The following EFNA5 variants were observed in gnomAD, a reference collection of about 807,000 sequenced individuals.
EFNA5 encodes ephrin-A5.
EFNA5 carries 5 observed loss-of-function variants against 22.9 expected under a neutral mutation model. That is an observed-to-expected ratio of 0.22 (90% CI 0.11 to 0.46). EFNA5 has a LOEUF of 0.46. Among genes scored for constraint, EFNA5 ranks in the 20% least tolerant of loss-of-function variants. The pLI is 0.99. For missense variants in EFNA5, 237 were observed against 293.3 expected (o/e 0.81, Z 1.40); for synonymous variants, 113 against 112.2 (o/e 1.01, Z -0.04).
At chr5:107,460,582 T>A (rs1386288645) in intron 1 of EFNA5, among the ~76,000 whole-genome samples, 2 of 152,178 alleles carry the variant, frequency 1.3e-5, no homozygotes, top group Non-Finnish European at 2.9e-5. Flanking sequence ...TTCACTTTTT[T>A]GGTAAAAAAT....
intron 2 of EFNA5, among the ~76,000 whole-genome samples, chr5:107,410,564 G>C (rs1421349953): frequency 1.3e-5 from 2 of 152,014 alleles, no homozygotes; most frequent in Admixed American, 1.3e-4. Context: ...ATAAAAAAAG[G>C]GTTCCCAGGT....
At chr5:107,483,777 T>C (rs1291049525) in intron 1 of EFNA5, among the ~76,000 whole-genome samples, 1 of 152,152 alleles carries the variant, frequency 6.6e-6, no homozygotes, top group Non-Finnish European at 1.5e-5. Context: ...TGGAATGCTA[T>C]GAGATACATT....
At chr5:107,443,285 A>C (rs958740109) in intron 1 of EFNA5, among the ~76,000 whole-genome samples, 6 of 152,246 alleles carry the variant, frequency 3.9e-5, no homozygotes, top group African/African-American at 1.2e-4. Flanking sequence ...TTTTCCATAG[A>C]TAGAACCAGT....
intron 1 of EFNA5, among the ~76,000 whole-genome samples, chr5:107,657,726 ATC>A (rs1257687294): frequency 6.6e-6 from 1 of 152,146 alleles, no homozygotes; most frequent in Non-Finnish European, 1.5e-5. Context: ...AAACCGTTTT[ATC>A]TCTTTTAAAA....
chr5:107,440,015 C>G (rs1265210207), intron 1 of EFNA5, among the ~76,000 whole-genome samples: 1 of 152,162 alleles, frequency 6.6e-6, no homozygotes, highest in Non-Finnish European at 1.5e-5. Context: ...AAAGGTACTT[C>G]AGTTCATCAC....
chr5:107,435,813 A>C (rs152607), intron 1 of EFNA5, among the ~76,000 whole-genome samples: 45,780 of 152,084 alleles, frequency 0.3, 7,566 homozygotes, highest in East Asian at 0.54. Context: ...CTGTGTTTAT[A>C]CATTAATGAA....
At chr5:107,435,498 GGTAATCAACCTCAATGTTCAGCTCT>G (rs1749089016) in intron 1 of EFNA5, among the ~76,000 whole-genome samples, 1 of 151,750 alleles carries the variant, frequency 6.6e-6, no homozygotes, top group Non-Finnish European at 1.5e-5. Flanking sequence ...CAGATGTATT[GGTAATCAACCTCAATGTTCAGCTCT>G]GAGAGAAGAG....
chr5:107,547,097 T>C (rs374979525), intron 1 of EFNA5, among the ~76,000 whole-genome samples: 1 of 152,234 alleles, frequency 6.6e-6, no homozygotes, highest in East Asian at 1.9e-4. Context: ...TCAATCAAGC[T>C]GCAAAAGAAG....
At chr5:107,592,737 T>G (rs1205513629) in intron 1 of EFNA5, among the ~76,000 whole-genome samples, 4 of 152,110 alleles carry the variant, frequency 2.6e-5, no homozygotes, top group Admixed American at 2.6e-4. Context: ...TCGGCATCTG[T>G]GAGCAGTGCT....
chr5:107,589,053 T>C (rs957408799), intron 1 of EFNA5, among the ~76,000 whole-genome samples: 5 of 152,152 alleles, frequency 3.3e-5, no homozygotes, highest in Non-Finnish European at 7.3e-5. Context: ...CCCTACCTGC[T>C]ATGTGGCAGT....
At chr5:107,443,317 A>T (rs1749307308) in intron 1 of EFNA5, among the ~76,000 whole-genome samples, 1 of 152,236 alleles carries the variant, frequency 6.6e-6, no homozygotes, top group Admixed American at 6.5e-5. Flanking sequence ...TGGAAAGAAC[A>T]GGCAAAAGAG....
At chr5:107,421,946 C>T (rs1748679567) in intron 2 of EFNA5, among the ~76,000 whole-genome samples, 4 of 151,968 alleles carry the variant, frequency 2.6e-5, no homozygotes, top group Admixed American at 2.6e-4. Context: ...CATGAGCTAC[C>T]ACGCCCGTCT....
chr5:107,543,722 C>G (rs76409221), intron 1 of EFNA5, among the ~76,000 whole-genome samples: 1 of 151,888 alleles, frequency 6.6e-6, no homozygotes, highest in Non-Finnish European at 1.5e-5. Context: ...AAAAAAAACC[C>G]TTTTTTCATA....
chr5:107,381,119 C>T lies in EFNA5; in HGVS notation c.*136G>A. The T allele has an allele frequency of 7.7e-7, 1 of 1,299,940 alleles. No individual in the cohort carries two copies. The highest frequency in any genetic ancestry group is 1.0e-6 in the Non-Finnish European group (1 of 966,046). The allele number at this position is 1,299,940 out of a possible 1,614,324, so 80.5% of individuals were successfully genotyped here. ...CTGAAGTTGTTGCTTAGAATTCAGG[C>T]TGAAAGAAAGAAAACAAAAATCTGA... On this transcript the variant is annotated 3_prime_UTR_variant, in exon 5 of 5. Coordinates refer to ENST00000333274, the MANE Select transcript of EFNA5 (RefSeq NM_001962.3).
intron 1 of EFNA5, among the ~76,000 whole-genome samples, chr5:107,493,568 A>G (rs1746874126): frequency 6.6e-6 from 1 of 152,258 alleles, no homozygotes; most frequent in Non-Finnish European, 1.5e-5. Flanking sequence ...AGTATATTAC[A>G]AGACTCTGGA....
intron 1 of EFNA5, among the ~76,000 whole-genome samples, chr5:107,561,177 C>G (rs571071330): frequency 2.6e-5 from 4 of 152,126 alleles, no homozygotes; most frequent in African/African-American, 9.7e-5. Context: ...TGAAACCTGC[C>G]TTTCCTGCTG....
intron 1 of EFNA5, among the ~76,000 whole-genome samples, chr5:107,612,758 T>C (rs1156826975): frequency 6.6e-6 from 1 of 152,128 alleles, no homozygotes; most frequent in Non-Finnish European, 1.5e-5. Context: ...ACTGTATTAA[T>C]ACAGGGAAAG....
chr5:107,460,457 T>A (rs1749807487), intron 1 of EFNA5, among the ~76,000 whole-genome samples: 2 of 152,282 alleles, frequency 1.3e-5, no homozygotes, highest in Admixed American at 6.5e-5. Flanking sequence ...CACAGACACG[T>A]ATGAATAATG....
chr5:107,583,764 T>C (rs955964039), intron 1 of EFNA5, among the ~76,000 whole-genome samples: 1 of 152,242 alleles, frequency 6.6e-6, no homozygotes, highest in African/African-American at 2.4e-5. Flanking sequence ...TATATGGAAT[T>C]AGACAGCTCT....
Sources: gnomAD v4.1 joint callset for allele counts (sites outside exome capture counted in the v4.1 genomes callset) on GRCh38, gnomAD v4.1.1 for gene constraint, MANE v1.5 for transcripts, NCBI Gene and HGNC (gene_info 2026-07-23, HGNC 2026-07-21) for gene names.